Variants in KL observed in about 807,000 individuals in gnomAD.
KL encodes the protein klotho.
Under a neutral mutation model 84.2 loss-of-function variants are expected in KL, and 62 were observed. That is an observed-to-expected ratio of 0.74 (90% confidence interval 0.60 to 0.91). KL has a LOEUF of 0.91. KL is among the 40% of genes least tolerant of loss of function. The pLI, the probability that KL is intolerant of heterozygous loss-of-function variation, is 0.00. For missense variants in KL, 1,261 were observed against 1,305.7 expected, an observed-to-expected ratio of 0.97 and a Z score of 0.53; for synonymous variants, 528 against 528.0, an observed-to-expected ratio of 1.00 and a Z score of 0.00.
At chr13:33,043,775 C>A (rs956597913) in intron 1 of KL, among the ~76,000 whole-genome samples, 1 of 152,102 alleles carries the variant, frequency 6.6e-6, no homozygotes, top group Non-Finnish European at 1.5e-5. Context: ...ATATACTAAT[C>A]ATAAACAAAA....
intron 1 of KL, among the ~76,000 whole-genome samples, chr13:33,052,324 G>A (rs1593805979): frequency 6.6e-6 from 1 of 152,196 alleles, no homozygotes; most frequent in East Asian, 1.9e-4. Context: ...GAGGCCTGGG[G>A]AGGTGTGATG....
At chr13:33,034,478 T>G (rs1291710874) in intron 1 of KL, among the ~76,000 whole-genome samples, 1 of 151,426 alleles carries the variant, frequency 6.6e-6, no homozygotes, top group East Asian at 1.9e-4. Context: ...GAGATGTAAA[T>G]GAAAAGATGA....
At position 33,050,443 on chromosome 13, in the gene KL, G is replaced by A. The variant is rs375327638; in HGVS notation, c.820-3324G>A. Among the ~76,000 whole-genome samples, 51 of 152,354 alleles carry A rather than the reference G, an allele frequency of 3.3e-4. 1 individual carries two copies. In the East Asian group the frequency reaches 4.2e-3, roughly 13 times the overall value. On this transcript the variant is annotated intron_variant, in intron 1 of 4. Coordinates refer to ENST00000380099, the MANE Select transcript of KL (RefSeq NM_004795.4). ...CAAAGGGAGTGAACTGGCTCGTGAAGAGGTGGTGAAGCTGGTTCAACTCAG... is the reference window on the plus strand; with the variant it reads ...CAAAGGGAGTGAACTGGCTCGTGAAAAGGTGGTGAAGCTGGTTCAACTCAG...
At position 33,019,740 on chromosome 13, in the gene KL, A is replaced by T. The variant is rs1388022882; in HGVS notation, c.819+2481A>T. Among the ~76,000 whole-genome samples the T allele has an allele frequency of 7.4e-5, 11 of 148,970 alleles. No individual in the cohort carries two copies. The East Asian group carries it at 7.9e-4, about 11-fold the overall frequency. ...GTGTGTGTGTGTGTGTGTGAGAGAG[A>T]GAGAGAGAGAGAGAGAGGAGACAGA... On this transcript the variant is annotated intron_variant, in intron 1 of 4. Transcript: ENST00000380099.
chr13:33,052,669 G>A (rs78333832), intron 1 of KL, among the ~76,000 whole-genome samples: 3,165 of 152,272 alleles, frequency 0.021, 111 homozygotes, highest in African/African-American at 0.073. Flanking sequence ...GGAATATTTA[G>A]GATATGTTGA....
chr13:33,053,237 T>C (rs1871818982), intron 1 of KL, among the ~76,000 whole-genome samples: 1 of 152,152 alleles, frequency 6.6e-6, no homozygotes. Flanking sequence ...TGATTCTTCT[T>C]GGGAAGAAAG....
chr13:33,031,365 T>A (rs780888218), intron 1 of KL, among the ~76,000 whole-genome samples: 5 of 152,086 alleles, frequency 3.3e-5, no homozygotes, highest in Admixed American at 6.6e-5. Context: ...AAGGAAGAGC[T>A]CTGGGTGAAA....
At chr13:33,055,478 C>A (rs1039946335) in intron 3 of KL, 163 bp downstream of exon 3, 2 of 742,232 alleles carry the variant, frequency 2.7e-6, no homozygotes, top group Non-Finnish European at 2.3e-6. Context: ...CTGCACCCTT[C>A]TCTCCAAAAC....
At chr13:33,039,422 C>G (rs1014524032) in intron 1 of KL, among the ~76,000 whole-genome samples, 8 of 152,026 alleles carry the variant, frequency 5.3e-5, no homozygotes, top group Non-Finnish European at 1.2e-4. Flanking sequence ...CAAGTTGTTT[C>G]CATTCAACTT....
chr13:33,053,806 C>A lies in KL; in HGVS notation c.859C>A (p.Arg287Ser), dbSNP rs766611991. The A allele has an allele frequency of 3.7e-6, 6 of 1,613,904 alleles. No individual in the cohort carries two copies. Among genetic ancestry groups the A allele is most frequent in the African/African-American group, 2.7e-5 (2 of 74,894 alleles). ...CTGGCATCTCTACAATACTTCTTTC[C>A]GTCCCACTCAGGGAGGTCAGGTGTC... The part of the protein sequence containing the change: ...KVWHLYNTSF[R>S]PTQGGQVSIA... The change falls in exon 2 of 5, where the codon CGT becomes AGT. Residue 287 changes from arginine (R) to serine (S), a missense_variant. By Grantham distance (110) the Arg-to-Ser change is moderately radical. Coordinates refer to ENST00000380099, the MANE Select transcript of KL (RefSeq NM_004795.4).
intron 1 of KL, among the ~76,000 whole-genome samples, chr13:33,049,239 A>G (rs939093241): frequency 2.0e-5 from 3 of 152,194 alleles, no homozygotes; most frequent in African/African-American, 7.2e-5. Flanking sequence ...GTAGCTTATG[A>G]GAGAGTTTTC....
chr13:33,032,092 A>T (rs1019118677), intron 1 of KL, among the ~76,000 whole-genome samples: 1 of 152,132 alleles, frequency 6.6e-6, no homozygotes, highest in Non-Finnish European at 1.5e-5. Context: ...CACAGGTTAC[A>T]TCTAGGGGTG....
rs1241639481 is a variant in KL at position 33,016,776 on chromosome 13, C to T, written c.336C>T (p.Gly112=). ...GDSRNASLPL[G]APSPLQPATG... is the part of the protein sequence containing the mutation. The stretch of plus-strand genomic sequence containing the variant: ...CCCGGAACGCCAGTCTGCCGTTGGG[C>T]GCCCCGTCGCCGCTGCAGCCCGCCA... The change falls in exon 1 of 5, where the codon GGC becomes GGT. Residue 112 remains glycine, a synonymous_variant. Coordinates refer to ENST00000380099, the MANE Select transcript of KL (RefSeq NM_004795.4). 4.3e-6 allele frequency: 7 copies of T among 1,611,662 alleles called. No individual in the cohort carries two copies. The East Asian group carries it at 6.7e-5, about 15-fold the overall frequency.
chr13:33,018,316 G>A (rs1194824011), intron 1 of KL, among the ~76,000 whole-genome samples: 1 of 152,160 alleles, frequency 6.6e-6, no homozygotes. Context: ...TTAGAATTCA[G>A]CCACATATTC....
chr13:33,041,758 C>A (rs868726257), intron 1 of KL, among the ~76,000 whole-genome samples: 24 of 152,110 alleles, frequency 1.6e-4, no homozygotes, highest in African/African-American at 5.8e-4. Flanking sequence ...TCTGCCCAAT[C>A]CTCCGGGTTC....
rs76320226 is a variant in KL at position 33,017,329 on chromosome 13, G to T, written c.819+70G>T. Reference sequence around the variant, plus strand: ...GGGCCTCCACAGGGGCCAGGGGGAAGTGTGGGAACTGAGTCTCCCCCAGAC... The same window carrying T: ...GGGCCTCCACAGGGGCCAGGGGGAATTGTGGGAACTGAGTCTCCCCCAGAC... On this transcript the variant is annotated intron_variant, in intron 1 of 4. Coordinates refer to ENST00000380099, the MANE Select transcript of KL (RefSeq NM_004795.4). 1,536 of 1,373,614 alleles carry T rather than the reference G, an allele frequency of 1.1e-3. 26 individuals carry two copies. In the East Asian group the frequency reaches 0.028, roughly 25 times the overall value. The allele number at this position is 1,373,614 out of a possible 1,614,324, so 85.1% of individuals were successfully genotyped here. A position where few individuals can be genotyped will look rare whatever the true frequency, so the allele number is the denominator to read the frequency against.
In KL at chr13:33,046,010, T is replaced by C. The variant is rs564601346; in HGVS notation, c.820-7757T>C. On this transcript the variant is annotated intron_variant, in intron 1 of 4. Transcript: ENST00000380099. ...GAATAAATACTAGTTGATTGTGCTG[T>C]ATAATTCTTAAAATATGCTGCTGGA... Among the ~76,000 whole-genome samples, 44 of 152,352 alleles carry C rather than the reference T, an allele frequency of 2.9e-4. 1 individual carries two copies. The highest frequency in any genetic ancestry group is 9.4e-4 in the African/African-American group (39 of 41,584).
chr13:33,054,391 T>A, intron 2 of KL, 114 bp downstream of exon 2: 1 of 1,129,458 alleles, frequency 8.9e-7, no homozygotes, highest in South Asian at 1.3e-5. Context: ...ATGGAGACAT[T>A]CATTTTGGCA....
intron 3 of KL, among the ~76,000 whole-genome samples, chr13:33,056,534 G>T (rs975477185): frequency 6.6e-6 from 1 of 151,856 alleles, no homozygotes; most frequent in South Asian, 2.1e-4. Context: ...ACTGGCTCAC[G>T]CCTGTAATCC....
Sources: gnomAD v4.1 joint callset for allele counts (sites outside exome capture counted in the v4.1 genomes callset) on GRCh38, gnomAD v4.1.1 for gene constraint, MANE v1.5 for transcripts, NCBI Gene and HGNC (gene_info 2026-07-23, HGNC 2026-07-21) for gene names.